The following FAM184A variants were observed in gnomAD, a reference collection of about 807,000 sequenced individuals.
FAM184A encodes family with sequence similarity 184 member A, also known as protein FAM184A.
In FAM184A, 99 loss-of-function variants were observed where a neutral mutation model predicts 143.8. The observed-to-expected ratio is 0.69, with a 90% CI of 0.58 to 0.81. The LOEUF is 0.81. FAM184A is among the 40% of genes least tolerant of loss of function. The probability of loss-of-function intolerance (pLI) is 0.00; values close to 1 mark genes in which losing one functional copy is unlikely to be tolerated. For missense variants in FAM184A, 1,217 were observed against 1,310.5 expected, an observed-to-expected ratio of 0.93 and a Z score of 1.10; for synonymous variants, 427 against 446.4, an observed-to-expected ratio of 0.96 and a Z score of 0.55.
In FAM184A at chr6:119,125,563, C is replaced by G. The variant is rs1582637653; in HGVS notation, c.-202+23515G>C. On this transcript the variant is annotated intron_variant, in intron 1 of 16. Transcript: ENST00000352896. ...TAGGTGTTATTTCCTTATTTTAAAG[C>G]TCATTTCTTTACATTCATTGAAGAG... Among the ~76,000 whole-genome samples the G allele has an allele frequency of 2.0e-5, 3 of 152,290 alleles. No individual in the cohort carries two copies. In the East Asian group the frequency reaches 5.8e-4, roughly 29 times the overall value.
At chr6:118,988,656 T>C (rs1784266241) in intron 9 of FAM184A, among the ~76,000 whole-genome samples, 1 of 152,126 alleles carries the variant, frequency 6.6e-6, no homozygotes, top group African/African-American at 2.4e-5. Context: ...GGTTTTATAT[T>C]AGGGGGAAAG....
At chr6:119,084,926 C>G (rs556747376) in intron 1 of FAM184A, among the ~76,000 whole-genome samples, 1 of 152,338 alleles carries the variant, frequency 6.6e-6, no homozygotes, top group African/African-American at 2.4e-5. Context: ...GGAGACAGAG[C>G]AGGGAGCAGG....
intron 9 of FAM184A, among the ~76,000 whole-genome samples, chr6:119,002,689 C>T (rs1381108899): frequency 2.6e-5 from 4 of 151,956 alleles, no homozygotes; most frequent in African/African-American, 4.8e-5. Flanking sequence ...AAATTCTTCT[C>T]GGTATTCAGA....
upstream of FAM184A, among the ~76,000 whole-genome samples, chr6:119,080,817 G>A (rs999614513): frequency 1.3e-5 from 2 of 152,060 alleles, no homozygotes; most frequent in Non-Finnish European, 2.9e-5. Context: ...CCCTGTATTA[G>A]TCTGTTCTCA....
intron 1 of FAM184A, among the ~76,000 whole-genome samples, chr6:119,139,376 A>G (rs898807568): frequency 5.3e-5 from 8 of 152,130 alleles, no homozygotes; most frequent in African/African-American, 1.7e-4. Flanking sequence ...TCTGGTTATC[A>G]CACTTAACTC....
At chr6:119,082,385 A>G (rs7450529), upstream of FAM184A, among the ~76,000 whole-genome samples, 2 of 152,234 alleles carry the variant, frequency 1.3e-5, no homozygotes, top group African/African-American at 2.4e-5. Context: ...TCCCAAAGTC[A>G]TAACTCATTC....
chr6:119,029,351 T>C (rs1785785350), intron 1 of FAM184A, among the ~76,000 whole-genome samples: 1 of 152,246 alleles, frequency 6.6e-6, no homozygotes, highest in African/African-American at 2.4e-5. Flanking sequence ...TTTATTGAAA[T>C]AATCTTCTCT....
At position 118,962,131 on chromosome 6, in the gene FAM184A, G is replaced by T. The variant is rs570924889; in HGVS notation, c.3139-168C>A. On this transcript the variant is annotated intron_variant, in intron 16 of 17. Coordinates refer to ENST00000338891, the MANE Select transcript of FAM184A (RefSeq NM_024581.6). ...AAACTGTGGTCTGGGAATCCTTGGA[G>T]GTATTTTTTATCTACATGGAATCCT... 6.2e-4 allele frequency: 390 copies of T among 630,316 alleles called. 12 individuals are homozygous for T. In the South Asian group the frequency reaches 7.4e-3, roughly 12 times the overall value. The allele number at this position is 630,316 out of a possible 1,614,324, so 39.0% of individuals were successfully genotyped here. A position where few individuals can be genotyped will look rare whatever the true frequency, so the allele number is the denominator to read the frequency against.
intron 1 of FAM184A, among the ~76,000 whole-genome samples, chr6:119,085,054 GC>G (rs1260149909): frequency 6.6e-6 from 1 of 152,206 alleles, no homozygotes; most frequent in Non-Finnish European, 1.5e-5. Flanking sequence ...GAGGCCTTCT[GC>G]CCATTGTCTT....
upstream of FAM184A, among the ~76,000 whole-genome samples, chr6:119,083,582 A>G (rs1788133371): frequency 6.6e-6 from 1 of 152,144 alleles, no homozygotes; most frequent in Admixed American, 6.5e-5. Flanking sequence ...ATCTAAGTTC[A>G]AAGTTCCACA....
upstream of FAM184A, among the ~76,000 whole-genome samples, chr6:119,081,968 G>A (rs113587235): frequency 1.5e-3 from 222 of 152,274 alleles, 1 homozygote; most frequent in African/African-American, 4.8e-3. Context: ...CTTGACATCC[G>A]GCCACCTGTG....
intron 1 of FAM184A, among the ~76,000 whole-genome samples, chr6:119,136,087 G>A (rs988252095): frequency 6.7e-6 from 1 of 149,120 alleles, no homozygotes; most frequent in African/African-American, 2.5e-5. Flanking sequence ...GACCATCCTG[G>A]CTAACAAGGT....
In FAM184A at chr6:119,006,206, A is replaced by C. The variant is rs552329620; in HGVS notation, c.1815+241T>G. ...AAAATACAAGGACGGATCTTCCCTTAGAGTTTAGGAAGGAACATAGCTGTG... is the reference window on the plus strand; with the variant it reads ...AAAATACAAGGACGGATCTTCCCTTCGAGTTTAGGAAGGAACATAGCTGTG... On this transcript the variant is annotated intron_variant, in intron 7 of 17. Coordinates refer to ENST00000338891, the MANE Select transcript of FAM184A (RefSeq NM_024581.6). 2.5e-5 allele frequency: 19 copies of C among 764,204 alleles called. 1 individual carries two copies. The highest frequency in any genetic ancestry group is 2.4e-4 in the South Asian group (18 of 74,472). 47.3% of individuals were successfully genotyped at this position (764,204 alleles called of 1,614,324 possible). A position where few individuals can be genotyped will look rare whatever the true frequency, so the allele number is the denominator to read the frequency against.
intron 16 of FAM184A, among the ~76,000 whole-genome samples, 183 bp downstream of exon 16, chr6:118,964,481 GAGT>G (rs1333554427): frequency 1.3e-5 from 2 of 152,166 alleles, no homozygotes; most frequent in Non-Finnish European, 2.9e-5. Flanking sequence ...AAAGGAATAT[GAGT>G]AGTATTCAGT....
At chr6:119,054,036 GAAGT>G (rs1303631583) in intron 1 of FAM184A, among the ~76,000 whole-genome samples, 2 of 151,524 alleles carry the variant, frequency 1.3e-5, no homozygotes, top group African/African-American at 4.9e-5. Flanking sequence ...TTAATGTAAT[GAAGT>G]TTTAAGAAAA....
chr6:118,978,644 G>A (rs942505442), intron 11 of FAM184A, among the ~76,000 whole-genome samples: 27 of 152,222 alleles, frequency 1.8e-4, no homozygotes, highest in Admixed American at 1.2e-3. Context: ...AGGGTCAGAC[G>A]GCTTTCCCTT....
chr6:119,039,320 A>C (rs1202141214), intron 1 of FAM184A, among the ~76,000 whole-genome samples: 1 of 152,230 alleles, frequency 6.6e-6, no homozygotes, highest in African/African-American at 2.4e-5. Flanking sequence ...ATATGTCCAT[A>C]CAAAAACTGG....
chr6:118,971,410 CT>C (rs1443201907), intron 14 of FAM184A, among the ~76,000 whole-genome samples: 1 of 152,138 alleles, frequency 6.6e-6, no homozygotes, highest in Non-Finnish European at 1.5e-5. Context: ...AAGAAATCAT[CT>C]TTTGTGAAAT....
At chr6:119,060,098 G>C (rs533742638) in intron 1 of FAM184A, among the ~76,000 whole-genome samples, 1 of 152,274 alleles carries the variant, frequency 6.6e-6, no homozygotes, top group South Asian at 2.1e-4. Flanking sequence ...CGAGATTAAA[G>C]TTTAGATTTT....
Sources: allele counts gnomAD v4.1 joint callset (sites outside exome capture counted in the v4.1 genomes callset), GRCh38; gene constraint gnomAD v4.1.1; transcripts MANE v1.5; gene names NCBI Gene and HGNC (gene_info 2026-07-23, HGNC 2026-07-21).